The following EIF4ENIF1 variants were observed in gnomAD, a reference collection of about 807,000 sequenced individuals.
The protein encoded by EIF4ENIF1 is eukaryotic translation initiation factor 4E nuclear import factor 1.
In EIF4ENIF1, 23 loss-of-function variants were observed where a neutral mutation model predicts 110.5. The ratio of observed to expected loss-of-function variants is 0.21; its 90% CI spans 0.15 to 0.29. EIF4ENIF1 has a LOEUF of 0.29. Ranked by LOEUF, EIF4ENIF1 falls within the 10% of genes least tolerant of loss-of-function variation. The pLI, the probability that EIF4ENIF1 is intolerant of heterozygous loss-of-function variation, is 1.00. For synonymous variants in EIF4ENIF1, 440 were observed against 437.0 expected, an observed-to-expected ratio of 1.01 and a Z score of -0.09; for missense variants, 1,031 against 1,221.1, an observed-to-expected ratio of 0.84 and a Z score of 2.32.
intron 3 of EIF4ENIF1, among the ~76,000 whole-genome samples, chr22:31,469,340 G>A (rs1045817981): frequency 2.6e-5 from 4 of 152,158 alleles, no homozygotes; most frequent in Non-Finnish European, 4.4e-5. Flanking sequence ...AGCCTGTGAT[G>A]TTTGCAATGA....
intron 4 of EIF4ENIF1, among the ~76,000 whole-genome samples, chr22:31,466,451 G>C (rs774216673): frequency 6.6e-6 from 1 of 151,290 alleles, no homozygotes; most frequent in Non-Finnish European, 1.5e-5. Context: ...ACGGTGGAAC[G>C]TGTATGTGTA....
chr22:31,438,881 C>T (rs979652464), downstream of EIF4ENIF1, among the ~76,000 whole-genome samples: 9 of 152,078 alleles, frequency 5.9e-5, no homozygotes, highest in South Asian at 2.1e-4. Flanking sequence ...GGCCACCATG[C>T]CCAGCTAGTT....
chr22:31,453,018 C>T (rs2050720000), intron 10 of EIF4ENIF1, among the ~76,000 whole-genome samples: 1 of 149,004 alleles, frequency 6.7e-6, no homozygotes, highest in African/African-American at 2.4e-5. Flanking sequence ...GGTAAGTTCC[C>T]AGGCAAGCAG....
intron 17 of EIF4ENIF1, among the ~76,000 whole-genome samples, chr22:31,441,550 G>GAAAAAAAAAAAAAAAAAAAAAA (rs771597260): frequency 3.4e-4 from 22 of 65,252 alleles, no homozygotes; most frequent in African/African-American, 1.3e-3. Flanking sequence ...CTACAAAAAG[G>GAAAAAAAAAAAAAAAAAAAAAA]AAAAAAAAAA....
intron 2 of EIF4ENIF1, among the ~76,000 whole-genome samples, chr22:31,477,487 C>A (rs1048783066): frequency 2.6e-5 from 4 of 151,888 alleles, no homozygotes; most frequent in African/African-American, 9.6e-5. Flanking sequence ...GTGATAAACA[C>A]CAACTACTCT....
chr22:31,439,514 T>C lies in EIF4ENIF1; in HGVS notation c.*366A>G, dbSNP rs1312731824. ...TGTATAGTTCAAAAAAGCTATCCTA[T>C]ATGTATATACAAAAGTTGTTTATAC... On this transcript the variant is annotated 3_prime_UTR_variant, in exon 19 of 19. Transcript: ENST00000330125. The C allele has an allele frequency of 1.0e-5, 2 of 200,326 alleles. No homozygotes were observed. The highest frequency in any genetic ancestry group is 2.0e-5 in the Non-Finnish European group (2 of 97,864). 12.4% of individuals were successfully genotyped at this position (200,326 alleles called of 1,614,324 possible).
chr22:31,468,176 T>C lies in EIF4ENIF1; in HGVS notation c.297A>G (p.Val99=). The part of the protein sequence containing the change: ...TDRPSLVRRI[V]DPRERVKEDD... ...ACTTCTGAGTGACTGTGTGCTCACC[T>C]ACTATCCTGCGCACCAGGGAAGGCC... is the stretch of plus-strand genomic sequence containing the variant. Residue 99 remains valine (V), a splice_region_variant and synonymous_variant, in exon 4 of 19, where the codon GTA becomes GTG. Transcript: ENST00000330125. 6.2e-7 allele frequency: 1 copy of C among 1,613,912 alleles called. No individual in the cohort carries two copies. Among genetic ancestry groups the C allele is most frequent in the Non-Finnish European group, 8.5e-7 (1 of 1,179,890 alleles).
At chr22:31,488,870 C>T (rs1040743309) in intron 1 of EIF4ENIF1, 125 bp from the exon 2 acceptor site, 1 of 1,080,844 alleles carries the variant, frequency 9.3e-7, no homozygotes, top group Admixed American at 2.9e-5. Flanking sequence ...CAAGTCCCCA[C>T]CCCAAAATTA....
intron 1 of EIF4ENIF1, 56 bp from the exon 2 acceptor site, chr22:31,488,801 T>C: frequency 1.3e-6 from 2 of 1,531,328 alleles, no homozygotes; most frequent in Non-Finnish European, 8.7e-7. Context: ...TTCAGAAATC[T>C]TGGCTGTTTC....
At chr22:31,485,987 C>T (rs548585725) in intron 2 of EIF4ENIF1, among the ~76,000 whole-genome samples, 41 of 151,906 alleles carry the variant, frequency 2.7e-4, no homozygotes, top group Non-Finnish European at 4.7e-4. Context: ...TGGCTCACAC[C>T]TATAATTCCA....
At chr22:31,472,218 C>G (rs1351743489) in intron 2 of EIF4ENIF1, among the ~76,000 whole-genome samples, 13 of 151,938 alleles carry the variant, frequency 8.6e-5, no homozygotes, top group Admixed American at 7.2e-4. Context: ...TAGATAAAAC[C>G]TCTGCCTAAT....
At position 31,442,032 on chromosome 22, in the gene EIF4ENIF1, A is replaced by T. The variant is rs747118323; in HGVS notation, c.2293T>A (p.Ser765Thr). ...TNSKLSALQRSSCSTPLSQAN... is the reference protein window; with the variant it reads ...TNSKLSALQRTSCSTPLSQAN... The stretch of plus-strand genomic sequence containing the variant: ...TGGGACAGTGGGGTGGAACACGAAG[A>T]CCTCTGTAATGCTGACAGTTTGGAA... The change falls in exon 17 of 19, where the codon TCT becomes ACT. Residue 765 changes from serine to threonine, a missense_variant. Transcript: ENST00000330125. The T allele has an allele frequency of 1.1e-5, 18 of 1,613,814 alleles. No individual in the cohort carries two copies. Among genetic ancestry groups the T allele is most frequent in the East Asian group, 6.7e-5 (3 of 44,884 alleles).
At chr22:31,441,184 C>T (rs1458114815) in intron 17 of EIF4ENIF1, among the ~76,000 whole-genome samples, 1 of 152,038 alleles carries the variant, frequency 6.6e-6, no homozygotes, top group African/African-American at 2.4e-5. Context: ...TCGGGAGAGG[C>T]AGAGGTTGCA....
intron 3 of EIF4ENIF1, among the ~76,000 whole-genome samples, chr22:31,471,475 T>C (rs1601625099): frequency 6.6e-6 from 1 of 152,200 alleles, no homozygotes; most frequent in African/African-American, 2.4e-5. Flanking sequence ...CCACCACGCC[T>C]GGCTAATTTT....
downstream of EIF4ENIF1, among the ~76,000 whole-genome samples, chr22:31,439,039 A>AACTT (rs2050216758): frequency 5.3e-5 from 8 of 152,296 alleles, 1 homozygote; most frequent in South Asian, 1.7e-3. Flanking sequence ...TTTCAAGAAA[A>AACTT]ACTTAACTTA....
At chr22:31,489,505 G>C (rs1007711481) in intron 1 of EIF4ENIF1, 189 bp downstream of exon 1, 2 of 142,038 alleles carry the variant, frequency 1.4e-5, no homozygotes, top group Non-Finnish European at 3.1e-5. Context: ...CTCGGTCCCC[G>C]CCAGCCAGCC....
chr22:31,440,475 G>A (rs2050257074), intron 18 of EIF4ENIF1, among the ~76,000 whole-genome samples: 1 of 152,134 alleles, frequency 6.6e-6, no homozygotes, highest in Non-Finnish European at 1.5e-5. Context: ...AACAGGCAAA[G>A]GAAAAAGCCA....
chr22:31,484,679 C>A lies in EIF4ENIF1; in HGVS notation c.96+3944G>T, dbSNP rs573635086. Among the ~76,000 whole-genome samples the A allele has an allele frequency of 2.6e-5, 4 of 152,246 alleles. No individual in the cohort carries two copies. In the South Asian group the frequency reaches 8.3e-4, roughly 32 times the overall value. On this transcript the variant is annotated intron_variant, in intron 2 of 18. Coordinates refer to ENST00000330125, the MANE Select transcript of EIF4ENIF1 (RefSeq NM_019843.4). The stretch of plus-strand genomic sequence containing the variant: ...AGAAACCCTGTCACTACTAAAAAGA[C>A]AAAAATTAGCCGGGCGTGGTGGCGC...
intron 2 of EIF4ENIF1, among the ~76,000 whole-genome samples, chr22:31,476,925 G>T (rs965088552): frequency 3.3e-5 from 5 of 150,842 alleles, no homozygotes; most frequent in African/African-American, 1.2e-4. Context: ...GCGAACCTGG[G>T]AGGCAGAGGT....
Sources: gnomAD v4.1 joint callset for allele counts (sites outside exome capture counted in the v4.1 genomes callset) on GRCh38, gnomAD v4.1.1 for gene constraint, MANE v1.5 for transcripts, NCBI Gene and HGNC (gene_info 2026-07-23, HGNC 2026-07-21) for gene names.